The following CCDC85A variants were observed in gnomAD, a reference collection of about 807,000 sequenced individuals.
The protein encoded by CCDC85A is coiled-coil domain-containing protein 85A.
Under a neutral mutation model 50.2 loss-of-function variants are expected in CCDC85A, and 38 were observed. The observed-to-expected ratio is 0.76, with a 90% CI of 0.58 to 0.99. CCDC85A has a LOEUF of 0.99. CCDC85A is among the 50% of genes least tolerant of loss of function. The pLI, the probability that CCDC85A is intolerant of heterozygous loss-of-function variation, is 0.00. For synonymous variants in CCDC85A, 366 were observed against 301.4 expected, an observed-to-expected ratio of 1.21 and a Z score of -2.22; for missense variants, 820 against 742.0, an observed-to-expected ratio of 1.11 and a Z score of -1.22.
At chr2:56,382,543 G>A (rs1676640502) in intron 5 of CCDC85A, among the ~76,000 whole-genome samples, 1 of 151,938 alleles carries the variant, frequency 6.6e-6, no homozygotes, top group South Asian at 2.1e-4. Context: ...TTTTAGGTTT[G>A]TCTGTTTGGC....
At chr2:56,278,144 T>G (rs1428283217) in intron 2 of CCDC85A, among the ~76,000 whole-genome samples, 1 of 152,132 alleles carries the variant, frequency 6.6e-6, no homozygotes, top group Non-Finnish European at 1.5e-5. Context: ...AGAACCTGTG[T>G]GTCTTTAGTG....
intron 3 of CCDC85A, among the ~76,000 whole-genome samples, chr2:56,357,684 T>A (rs981189628): frequency 6.7e-6 from 1 of 149,294 alleles, no homozygotes; most frequent in Non-Finnish European, 1.5e-5. Context: ...TATGTTCTTT[T>A]CTCTTAAATG....
intron 2 of CCDC85A, among the ~76,000 whole-genome samples, chr2:56,308,638 C>G (rs1672554063): frequency 6.6e-6 from 1 of 152,172 alleles, no homozygotes; most frequent in African/African-American, 2.4e-5. Flanking sequence ...TCTGTTTCTA[C>G]TTGATACTGA....
Position 56,192,571 on chromosome 2 carries a change from G to C in CCDC85A, c.371G>C (p.Arg124Pro). 6.2e-7 allele frequency: 1 copy of C among 1,613,970 alleles called. No individual in the cohort carries two copies. Among genetic ancestry groups the C allele is most frequent in the Non-Finnish European group, 8.5e-7 (1 of 1,179,878 alleles). The change falls in exon 2 of 6, where the codon CGG becomes CCG. Residue 124 changes from arginine to proline, a missense_variant. Coordinates refer to ENST00000407595, the MANE Select transcript of CCDC85A (RefSeq NM_001080433.2). The surrounding 1 kb of genome is among the most constrained non-coding windows in gnomAD (Gnocchi z 4.7). ...DDRQKGKRVS[R>P]EWQRLGRYTA... is the part of the protein sequence containing the mutation. ...CGGCAGAAAGGCAAGAGGGTGTCTCGGGAGTGGCAGAGACTGGGTCGCTAC... is the reference window on the plus strand; with the variant it reads ...CGGCAGAAAGGCAAGAGGGTGTCTCCGGAGTGGCAGAGACTGGGTCGCTAC...
intron 2 of CCDC85A, among the ~76,000 whole-genome samples, chr2:56,206,356 A>G (rs1054100566): frequency 3.3e-5 from 5 of 152,152 alleles, no homozygotes; most frequent in Non-Finnish European, 7.4e-5. Flanking sequence ...TTTCTTTTCA[A>G]TGTGTTAGTT....
intron 2 of CCDC85A, among the ~76,000 whole-genome samples, chr2:56,228,691 C>G (rs1668647912): frequency 6.6e-6 from 1 of 151,988 alleles, no homozygotes; most frequent in East Asian, 1.9e-4. Flanking sequence ...CACCCCCATG[C>G]CTGGCTAATT....
chr2:56,265,700 G>A (rs1293141502), intron 2 of CCDC85A, among the ~76,000 whole-genome samples: 1 of 152,158 alleles, frequency 6.6e-6, no homozygotes, highest in Non-Finnish European at 1.5e-5. Flanking sequence ...TGGTGGTATT[G>A]TAAATTAGTA....
At chr2:56,265,942 C>A (rs1214581536) in intron 2 of CCDC85A, among the ~76,000 whole-genome samples, 1 of 152,184 alleles carries the variant, frequency 6.6e-6, no homozygotes, top group Non-Finnish European at 1.5e-5. Flanking sequence ...AATATATACA[C>A]AATGGCATAC....
chr2:56,298,894 C>T (rs758065475), intron 2 of CCDC85A, among the ~76,000 whole-genome samples: 76 of 152,200 alleles, frequency 5.0e-4, no homozygotes, highest in Non-Finnish European at 9.3e-4. Flanking sequence ...TGGGAGGAGG[C>T]TGAGACACAT....
chr2:56,253,086 A>G (rs182307272), intron 2 of CCDC85A, among the ~76,000 whole-genome samples: 5 of 152,296 alleles, frequency 3.3e-5, no homozygotes, highest in Admixed American at 2.6e-4. Flanking sequence ...GACTGTTCTT[A>G]TTATAGGTGT....
At chr2:56,330,447 A>G (rs1372172913) in intron 2 of CCDC85A, among the ~76,000 whole-genome samples, 2 of 152,164 alleles carry the variant, frequency 1.3e-5, no homozygotes, top group Non-Finnish European at 2.9e-5. Flanking sequence ...ATTGCTTCAA[A>G]CTGTCCTGGG....
At chr2:56,299,570 T>C (rs781227633) in intron 2 of CCDC85A, among the ~76,000 whole-genome samples, 3 of 152,062 alleles carry the variant, frequency 2.0e-5, no homozygotes, top group African/African-American at 4.8e-5. Flanking sequence ...ATGAGCAGCA[T>C]TGAACATGAG....
chr2:56,328,544 A>T (rs1273779721), intron 2 of CCDC85A, among the ~76,000 whole-genome samples: 1 of 152,056 alleles, frequency 6.6e-6, no homozygotes, highest in Non-Finnish European at 1.5e-5. Context: ...TGAGCTCCAG[A>T]CCCACCTATG....
intron 2 of CCDC85A, among the ~76,000 whole-genome samples, chr2:56,237,535 A>T (rs1669072795): frequency 6.6e-6 from 1 of 152,204 alleles, no homozygotes; most frequent in South Asian, 2.1e-4. Context: ...AGCTTACGTG[A>T]ATGTCTTATT....
intron 3 of CCDC85A, among the ~76,000 whole-genome samples, chr2:56,368,834 A>G (rs1055207963): frequency 1.3e-5 from 2 of 152,082 alleles, no homozygotes; most frequent in South Asian, 2.1e-4. Context: ...ACACATACAT[A>G]TGTACATATA....
chr2:56,256,624 G>T (rs2104008965), intron 2 of CCDC85A, among the ~76,000 whole-genome samples: 1 of 152,260 alleles, frequency 6.6e-6, no homozygotes, highest in South Asian at 2.1e-4. Context: ...TTCAAAGTAG[G>T]GCAGGCCCTT....
chr2:56,276,298 TTTGCTTACTGGCTTTA>T, intron 2 of CCDC85A, among the ~76,000 whole-genome samples: 1 of 152,176 alleles, frequency 6.6e-6, no homozygotes, highest in Non-Finnish European at 1.5e-5. Context: ...GGCTTTTTAT[TTTGCTTACTGGCTTTA>T]CTTTCTGAAG....
intron 2 of CCDC85A, among the ~76,000 whole-genome samples, chr2:56,207,059 C>T (rs1385846208): frequency 1.3e-5 from 2 of 152,142 alleles, no homozygotes; most frequent in Non-Finnish European, 2.9e-5. Context: ...TCTGTTTAAA[C>T]AATAAAGGTA....
chr2:56,226,501 C>T (rs1668546950), intron 2 of CCDC85A, among the ~76,000 whole-genome samples: 1 of 152,042 alleles, frequency 6.6e-6, no homozygotes, highest in Non-Finnish European at 1.5e-5. Context: ...TTTTTAGCAA[C>T]TATGTCATAT....
Sources: gnomAD v4.1 joint callset for allele counts (sites outside exome capture counted in the v4.1 genomes callset) on GRCh38, gnomAD v4.1.1 for gene constraint, Gnocchi (gnomAD v3.1) non-coding constraint, MANE v1.5 for transcripts, NCBI Gene and HGNC (gene_info 2026-07-23, HGNC 2026-07-21) for gene names.